Variants in ZNF385D observed in about 807,000 individuals in gnomAD.
The protein encoded by ZNF385D is zinc finger protein 659.
A neutral mutation model predicts 35.8 loss-of-function variants in ZNF385D; 15 were observed. The observed-to-expected ratio is 0.42, with a 90% confidence interval of 0.28 to 0.64. The LOEUF is 0.64. Among genes scored for constraint, ZNF385D ranks in the 30% least tolerant of loss-of-function variants. The pLI, the probability that ZNF385D is intolerant of heterozygous loss-of-function variation, is 0.23. For synonymous variants in ZNF385D, 212 were observed against 186.8 expected (o/e 1.13, Z -1.10); for missense variants, 474 against 494.6 (o/e 0.96, Z 0.39).
chr3:21,464,095 C>T (rs1034210531), intron 4 of ZNF385D, among the ~76,000 whole-genome samples: 1 of 152,128 alleles, frequency 6.6e-6, no homozygotes, highest in East Asian at 1.9e-4. Context: ...TCATTTAAAT[C>T]TCTCCCCAGA....
intron 2 of ZNF385D, among the ~76,000 whole-genome samples, chr3:21,659,060 T>C (rs2066157559): frequency 6.6e-6 from 1 of 152,040 alleles, no homozygotes; most frequent in Non-Finnish European, 1.5e-5. Flanking sequence ...CTTCTCCTTT[T>C]TCTCCTCCTC....
intron 2 of ZNF385D, among the ~76,000 whole-genome samples, chr3:22,189,682 T>G (rs1292501653): frequency 6.6e-6 from 1 of 152,212 alleles, no homozygotes; most frequent in South Asian, 2.1e-4. Context: ...TTTATCTTCC[T>G]GCTCACCACC....
intron 3 of ZNF385D, among the ~76,000 whole-genome samples, chr3:21,869,381 T>G (rs999224520): frequency 5.3e-5 from 8 of 152,098 alleles, no homozygotes; most frequent in African/African-American, 1.9e-4. Flanking sequence ...CACACCAAAC[T>G]TCAAATGTAA....
At chr3:21,869,517 C>G (rs889542120) in intron 3 of ZNF385D, among the ~76,000 whole-genome samples, 3 of 151,990 alleles carry the variant, frequency 2.0e-5, no homozygotes, top group Admixed American at 1.3e-4. Context: ...AGCAGAAGGT[C>G]AGTAAAGCCC....
At position 21,608,023 on chromosome 3, in the gene ZNF385D, G is replaced by GTTTTTTTT. The variant is rs572518584; in HGVS notation, c.166-43347_166-43340dup. Among the ~76,000 whole-genome samples the GTTTTTTTT allele has an allele frequency of 1.3e-4, 16 of 120,224 alleles. 1 individual carries two copies. The highest frequency in any genetic ancestry group is 4.2e-4 in the African/African-American group (13 of 31,192). 78.9% of individuals were successfully genotyped at this position (120,224 alleles called of 152,430 possible). A position where few individuals can be genotyped will look rare whatever the true frequency, so the allele number is the denominator to read the frequency against. Reference sequence around the variant, plus strand: ...TAATTCTTTTTCTTCTTTTTTTTTTGTTTTTTTTTTTTGAGTCTTGCTGTC... The same window carrying GTTTTTTTT: ...TAATTCTTTTTCTTCTTTTTTTTTTGTTTTTTTTTTTTTTTTTTTTGAGTCTTGCTGTC... On this transcript the variant is annotated intron_variant, in intron 2 of 7. Coordinates refer to ENST00000281523, the MANE Select transcript of ZNF385D (RefSeq NM_024697.3).
intron 1 of ZNF385D, among the ~76,000 whole-genome samples, chr3:21,745,307 A>G (rs535452551): frequency 6.6e-6 from 1 of 152,360 alleles, no homozygotes; most frequent in African/African-American, 2.4e-5. Flanking sequence ...GATAAGAAAG[A>G]AAAGAGATTC....
At chr3:21,460,667 T>C (rs909240243) in intron 4 of ZNF385D, among the ~76,000 whole-genome samples, 43 of 152,066 alleles carry the variant, frequency 2.8e-4, no homozygotes, top group African/African-American at 1.0e-3. Flanking sequence ...ATATTTTATA[T>C]CATTTTCTAT....
At chr3:22,127,460 C>T (rs919852254) in intron 3 of ZNF385D, among the ~76,000 whole-genome samples, 3 of 150,132 alleles carry the variant, frequency 2.0e-5, no homozygotes, top group African/African-American at 7.3e-5. Flanking sequence ...CTGCCTCAGC[C>T]TCCCTAGTAG....
chr3:22,030,210 T>C (rs910272528), intron 3 of ZNF385D, among the ~76,000 whole-genome samples: 6 of 135,974 alleles, frequency 4.4e-5, no homozygotes, highest in African/African-American at 1.7e-4. Context: ...AGACAGCCTA[T>C]TGTGGGATCT....
Position 21,417,066 on chromosome 3 carries a change from T to C in ZNF385D, c.*4148A>G, listed in dbSNP as rs1270064175. ...AGCAACTACTCCAATATTGGTGAAA[T>C]GTACATTCTGGTTGAGCATATGAAT... On this transcript the variant is annotated 3_prime_UTR_variant, in exon 8 of 8. Transcript: ENST00000281523. The C allele has an allele frequency of 2.0e-5, 3 of 152,134 alleles. No individual in the cohort carries two copies. The highest frequency in any genetic ancestry group is 4.4e-5 in the Non-Finnish European group (3 of 68,006). 9.4% of individuals were successfully genotyped at this position (152,134 alleles called of 1,614,324 possible).
intron 3 of ZNF385D, among the ~76,000 whole-genome samples, chr3:22,126,402 T>C (rs1194103457): frequency 4.0e-5 from 6 of 151,284 alleles, no homozygotes; most frequent in African/African-American, 7.3e-5. Context: ...TGTGTTTCCA[T>C]TTTCATTTAC....
chr3:22,067,587 C>T (rs757819686), intron 3 of ZNF385D, among the ~76,000 whole-genome samples: 45 of 152,266 alleles, frequency 3.0e-4, no homozygotes, highest in Non-Finnish European at 6.0e-4. Context: ...AAAGTTAACT[C>T]AGAGGTGGTA....
At chr3:22,223,265 ATTTG>A (rs1698364622) in intron 2 of ZNF385D, among the ~76,000 whole-genome samples, 1 of 152,110 alleles carries the variant, frequency 6.6e-6, no homozygotes, top group African/African-American at 2.4e-5. Flanking sequence ...TATTGTACTT[ATTTG>A]TTTGTCCTTC....
chr3:21,824,620 C>T (rs1469107264), intron 3 of ZNF385D, among the ~76,000 whole-genome samples: 2 of 151,840 alleles, frequency 1.3e-5, no homozygotes, highest in Admixed American at 1.3e-4. Context: ...GTATCCATAG[C>T]CTAGATTTTC....
intron 2 of ZNF385D, among the ~76,000 whole-genome samples, chr3:22,280,456 G>A (rs1701679174): frequency 6.6e-6 from 1 of 151,700 alleles, no homozygotes; most frequent in Non-Finnish European, 1.5e-5. Flanking sequence ...AAAGGTAAGA[G>A]AAGAGGATCC....
At chr3:21,635,736 A>G (rs1313916813) in intron 2 of ZNF385D, among the ~76,000 whole-genome samples, 1 of 152,006 alleles carries the variant, frequency 6.6e-6, no homozygotes, top group Non-Finnish European at 1.5e-5. Context: ...CGAGTCCCCA[A>G]AGTCCATTGT....
chr3:21,538,309 G>C (rs1279177407), intron 3 of ZNF385D, among the ~76,000 whole-genome samples: 9 of 152,170 alleles, frequency 5.9e-5, no homozygotes, highest in Admixed American at 1.3e-4. Context: ...AGTCTGTATT[G>C]ATAACTTACT....
At chr3:21,604,045 C>T (rs948594839) in intron 2 of ZNF385D, among the ~76,000 whole-genome samples, 6 of 152,072 alleles carry the variant, frequency 3.9e-5, no homozygotes, top group African/African-American at 1.2e-4. Context: ...GCGAGATTGC[C>T]GAGTAACTGC....
chr3:21,566,740 T>TAA (rs2063161734), intron 2 of ZNF385D, among the ~76,000 whole-genome samples: 1 of 152,188 alleles, frequency 6.6e-6, no homozygotes, highest in African/African-American at 2.4e-5. Context: ...TCACCAGTAT[T>TAA]AAGTGTACAA....
Sources: gnomAD v4.1 joint callset for allele counts (sites outside exome capture counted in the v4.1 genomes callset) on GRCh38, gnomAD v4.1.1 for gene constraint, MANE v1.5 for transcripts, NCBI Gene and HGNC (gene_info 2026-07-23, HGNC 2026-07-21) for gene names.